ZFHX3: variants seen among roughly 807,000 people sequenced by gnomAD.
ZFHX3 encodes the protein zinc finger homeobox protein 3.
ZFHX3 carries 42 observed loss-of-function variants against 279.1 expected under a neutral mutation model. The observed-to-expected ratio is 0.15, with a 90% CI of 0.12 to 0.19. ZFHX3 has a LOEUF of 0.19. Ranked by LOEUF, ZFHX3 falls within the 10% of genes least tolerant of loss-of-function variation. The pLI, the probability that ZFHX3 is intolerant of heterozygous loss-of-function variation, is 1.00. For missense variants in ZFHX3, 4,981 were observed against 4,754.0 expected (o/e 1.05, Z -1.40); for synonymous variants, 2,293 against 1,957.8 (o/e 1.17, Z -4.52).
Position 72,795,130 on chromosome 16 carries a change from G to T in ZFHX3, c.7552C>A (p.Gln2518Lys). ...PLKPLHTSTP[Q>K]QLANLPPQLI... ...TGAGGAGGTAGGTTTGCGAGCTGTT[G>T]AGGAGTTGATGTGTGGAGGGGCTTG... The change falls in exon 9 of 10, where the codon CAA becomes AAA. Residue 2518 changes from glutamine (Q) to lysine (K), a missense_variant. Coordinates refer to ENST00000268489, the MANE Select transcript of ZFHX3 (RefSeq NM_006885.4). 2 of 1,613,916 alleles carry T rather than the reference G, an allele frequency of 1.2e-6. No homozygotes were observed. Among genetic ancestry groups the T allele is most frequent in the Non-Finnish European group, 1.7e-6 (2 of 1,179,970 alleles).
chr16:73,285,824 A>C (rs1013056405), intron 4 of ZFHX3, among the ~76,000 whole-genome samples: 5 of 152,164 alleles, frequency 3.3e-5, no homozygotes, highest in African/African-American at 1.2e-4. Context: ...GTTGTTTTTC[A>C]AACATATTAC....
intron 3 of ZFHX3, among the ~76,000 whole-genome samples, chr16:72,928,224 G>C (rs1959593170): frequency 6.9e-6 from 1 of 144,260 alleles, no homozygotes; most frequent in South Asian, 2.4e-4. Context: ...AGGGGAGCGA[G>C]GGGGAGCGAG....
intron 2 of ZFHX3, among the ~76,000 whole-genome samples, chr16:73,569,139 C>T (rs556452828): frequency 5.9e-5 from 9 of 152,274 alleles, no homozygotes; most frequent in Non-Finnish European, 8.8e-5. Flanking sequence ...TCTCAGAATG[C>T]TCTTTCCCAA....
chr16:73,796,021 G>C (rs148929942), intron 1 of ZFHX3, among the ~76,000 whole-genome samples: 4 of 152,174 alleles, frequency 2.6e-5, no homozygotes, highest in Non-Finnish European at 5.9e-5. Flanking sequence ...CGGCCATTGC[G>C]TGAATCACAG....
chr16:72,850,449 T>C (rs1453954633), intron 4 of ZFHX3, among the ~76,000 whole-genome samples: 2 of 152,350 alleles, frequency 1.3e-5, no homozygotes, highest in Non-Finnish European at 1.5e-5. Context: ...TAGTCAATCA[T>C]TTCAACAGCA....
intron 4 of ZFHX3, among the ~76,000 whole-genome samples, chr16:73,292,864 G>C (rs1297925145): frequency 6.6e-6 from 1 of 152,162 alleles, no homozygotes; most frequent in Non-Finnish European, 1.5e-5. Flanking sequence ...TATTCCTCGG[G>C]CTGGAAGCAG....
chr16:73,124,111 C>T (rs1422723670), intron 7 of ZFHX3, among the ~76,000 whole-genome samples: 1 of 152,194 alleles, frequency 6.6e-6, no homozygotes, highest in Non-Finnish European at 1.5e-5. Context: ...AACCACTTTA[C>T]AACCTTGTAT....
chr16:73,086,732 A>G (rs1966015777), intron 8 of ZFHX3, among the ~76,000 whole-genome samples: 2 of 151,922 alleles, frequency 1.3e-5, no homozygotes. Flanking sequence ...ACAAAACCCC[A>G]TCTGTACAAA....
intron 3 of ZFHX3, among the ~76,000 whole-genome samples, chr16:73,418,864 C>T (rs553091687): frequency 1.3e-5 from 2 of 152,318 alleles, no homozygotes; most frequent in East Asian, 1.9e-4. Flanking sequence ...TACTTTTTCA[C>T]GTCCTCCCTG....
At chr16:73,518,506 G>A (rs2019560211) in intron 2 of ZFHX3, among the ~76,000 whole-genome samples, 1 of 152,158 alleles carries the variant, frequency 6.6e-6, no homozygotes, top group Admixed American at 6.5e-5. Flanking sequence ...GGGACTGAGA[G>A]GAGATGTGTC....
At chr16:73,658,709 T>A (rs1394721292) in intron 2 of ZFHX3, among the ~76,000 whole-genome samples, 1 of 152,206 alleles carries the variant, frequency 6.6e-6, no homozygotes, top group African/African-American at 2.4e-5. Context: ...TTCTGTAATT[T>A]AAAATGATTT....
intron 2 of ZFHX3, among the ~76,000 whole-genome samples, chr16:73,673,211 G>T (rs1214183033): frequency 6.6e-6 from 1 of 152,092 alleles, no homozygotes; most frequent in Non-Finnish European, 1.5e-5. Flanking sequence ...TGGGGAGGAG[G>T]ATATCAAGAT....
chr16:73,735,091 T>C (rs913326379), intron 1 of ZFHX3, among the ~76,000 whole-genome samples: 7 of 152,064 alleles, frequency 4.6e-5, no homozygotes, highest in African/African-American at 1.7e-4. Flanking sequence ...CCACGTTAGG[T>C]ATACAGTTCA....
chr16:73,842,661 T>C (rs959746989), intron 1 of ZFHX3, among the ~76,000 whole-genome samples: 4 of 152,224 alleles, frequency 2.6e-5, no homozygotes, highest in African/African-American at 9.6e-5. Context: ...CTAGTAATAG[T>C]TTAAATTAAA....
chr16:73,197,194 T>C (rs1319419389), intron 5 of ZFHX3, among the ~76,000 whole-genome samples: 1 of 152,218 alleles, frequency 6.6e-6, no homozygotes, highest in Non-Finnish European at 1.5e-5. Context: ...TCTTATAATG[T>C]GTGGCCTCCT....
intron 2 of ZFHX3, among the ~76,000 whole-genome samples, chr16:73,465,147 C>G (rs951078133): frequency 6.6e-6 from 1 of 152,250 alleles, no homozygotes; most frequent in Non-Finnish European, 1.5e-5. Context: ...ACACAGCGGA[C>G]CCTTCAGCAC....
chr16:73,572,698 G>A (rs1183941572), intron 2 of ZFHX3, among the ~76,000 whole-genome samples: 1 of 152,208 alleles, frequency 6.6e-6, no homozygotes, highest in African/African-American at 2.4e-5. Flanking sequence ...TCGATGCCTT[G>A]TGCCTGGCTT....
intron 8 of ZFHX3, among the ~76,000 whole-genome samples, chr16:73,076,035 A>G (rs1400315197): frequency 6.6e-6 from 1 of 152,176 alleles, no homozygotes; most frequent in Admixed American, 6.5e-5. Flanking sequence ...GCCCCCAACA[A>G]ATCACTTAAT....
intron 1 of ZFHX3, among the ~76,000 whole-genome samples, chr16:73,816,963 G>A (rs1012316058): frequency 6.6e-6 from 1 of 152,162 alleles, no homozygotes; most frequent in Non-Finnish European, 1.5e-5. Context: ...GAGCTTCCTA[G>A]CATGAGACAT....
Sources: gnomAD v4.1 joint callset for allele counts (sites outside exome capture counted in the v4.1 genomes callset) on GRCh38, gnomAD v4.1.1 for gene constraint, MANE v1.5 for transcripts, NCBI Gene and HGNC (gene_info 2026-07-23, HGNC 2026-07-21) for gene names.